DPM1: variants seen among roughly 807,000 people sequenced by gnomAD.
The protein encoded by DPM1 is dolichyl-phosphate mannosyltransferase subunit 1, catalytic.
DPM1 carries 27 observed loss-of-function variants against 39.0 expected under a neutral mutation model. The observed-to-expected ratio is 0.69, with a 90% CI of 0.51 to 0.95. DPM1 has a LOEUF of 0.95. Ranked by LOEUF, DPM1 falls within the 40% of genes least tolerant of loss-of-function variation. DPM1 has a pLI of 0.00. For missense variants in DPM1, 307 were observed against 315.6 expected (o/e 0.97, Z 0.21); for synonymous variants, 124 against 109.0 (o/e 1.14, Z -0.86).
intron 8 of DPM1, 115 bp from the exon 9 acceptor site, chr20:50,935,351 A>T (rs1985059292): frequency 4.2e-6 from 3 of 709,076 alleles, no homozygotes; most frequent in Admixed American, 2.5e-5. Flanking sequence ...AGAGGTCCTT[A>T]AAGTAAGTAT....
chr20:50,937,476 TAAG>T (rs1215498724), intron 7 of DPM1, among the ~76,000 whole-genome samples: 1 of 152,108 alleles, frequency 6.6e-6, no homozygotes, highest in Non-Finnish European at 1.5e-5. Flanking sequence ...GTTTTGGGGT[TAAG>T]AAGTGAACTT....
chr20:50,955,195 T>G lies in DPM1; in HGVS notation c.252A>C (p.Ser84=). The G allele has an allele frequency of 6.2e-7, 1 of 1,611,372 alleles. No homozygotes were observed. The highest frequency in any genetic ancestry group is 8.5e-7 in the Non-Finnish European group (1 of 1,178,314). Residue 84 remains serine, a synonymous_variant, in exon 2 of 9, where the codon TCA becomes TCC. Coordinates refer to ENST00000371588, the MANE Select transcript of DPM1 (RefSeq NM_003859.3). ...TGTTCTTATAACTTACAATTCTGTC[T>G]GACCCATAGATCTTCTCCAACTGTT... ...VAEQLEKIYG[S]DRILLRPREK...
At chr20:50,937,817 A>T (rs1985339832) in intron 7 of DPM1, among the ~76,000 whole-genome samples, 1 of 150,718 alleles carries the variant, frequency 6.6e-6, no homozygotes. Flanking sequence ...TAACTTTTAA[A>T]GTTATTATTA....
Position 50,942,133 on chromosome 20 carries a change from A to C in DPM1, c.399-7T>G. ...ATTACCCTCCTTTTGCTTCCTGTAG[A>C]ATAAATTAGCTGTCAATTAGAAAAA... On this transcript the variant is annotated splice_polypyrimidine_tract_variant and splice_region_variant and intron_variant, in intron 5 of 8. Transcript: ENST00000371588. The C allele has an allele frequency of 6.2e-7, 1 of 1,611,258 alleles. No homozygotes were observed. The highest frequency in any genetic ancestry group is 8.5e-7 in the Non-Finnish European group (1 of 1,177,712).
chr20:50,948,868 T>G (rs1439331121), intron 2 of DPM1, among the ~76,000 whole-genome samples: 1 of 149,862 alleles, frequency 6.7e-6, no homozygotes, highest in African/African-American at 2.4e-5. Context: ...TAGCTAACAT[T>G]TTTTTTTTTT....
intron 8 of DPM1, 80 bp from the exon 9 acceptor site, chr20:50,935,316 A>G (rs1488683285): frequency 2.3e-6 from 2 of 859,842 alleles, no homozygotes; most frequent in African/African-American, 3.4e-5. Context: ...TACCAACACA[A>G]CAGAAATAGG....
chr20:50,941,886 CTGT>C, intron 6 of DPM1, 142 bp downstream of exon 6: 1 of 725,974 alleles, frequency 1.4e-6, no homozygotes, highest in South Asian at 1.6e-5. Context: ...ACAGGAAAAA[CTGT>C]AAGAAACTAT....
intron 2 of DPM1, among the ~76,000 whole-genome samples, chr20:50,953,846 G>T (rs535048057): frequency 1.3e-5 from 2 of 152,146 alleles, no homozygotes; most frequent in East Asian, 3.8e-4. Context: ...TTCACCCTGG[G>T]CTTCTAAAGA....
chr20:50,948,600 T>C (rs1031495562), intron 3 of DPM1, 29 bp downstream of exon 3: 14 of 1,609,814 alleles, frequency 8.7e-6, no homozygotes, highest in African/African-American at 1.3e-5. Context: ...AAGCAGCAGG[T>C]GTGAGGGGTT....
chr20:50,945,108 C>A (rs1374924763), intron 5 of DPM1: 1 of 152,804 alleles, frequency 6.5e-6, no homozygotes, highest in East Asian at 1.9e-4. Flanking sequence ...TCTGGCATTC[C>A]TGGAATAAAC....
At chr20:50,940,254 C>A (rs1985609690) in intron 7 of DPM1, among the ~76,000 whole-genome samples, 1 of 151,560 alleles carries the variant, frequency 6.6e-6, no homozygotes, top group Non-Finnish European at 1.5e-5. Context: ...TTGGGGGTCA[C>A]TAAAGTAGAT....
intron 3 of DPM1, among the ~76,000 whole-genome samples, chr20:50,946,434 C>A (rs1986288562): frequency 1.3e-5 from 2 of 152,276 alleles, no homozygotes; most frequent in East Asian, 3.8e-4. Context: ...AACTATCCAA[C>A]TGCTCCATCC....
chr20:50,940,822 T>C (rs1288491512), intron 7 of DPM1, 43 bp downstream of exon 7: 10 of 1,440,190 alleles, frequency 6.9e-6, no homozygotes, highest in Non-Finnish European at 9.8e-6. Flanking sequence ...TAAAGAAAGT[T>C]AGCCAAGAAG....
At chr20:50,941,977 T>A (rs1985868664) in intron 6 of DPM1, 54 bp downstream of exon 6, 2 of 1,445,006 alleles carry the variant, frequency 1.4e-6, no homozygotes, top group Non-Finnish European at 1.9e-6. Context: ...ATACTTGCTA[T>A]GAATACATTT....
intron 7 of DPM1, among the ~76,000 whole-genome samples, chr20:50,937,276 T>A (rs1985267700): frequency 6.6e-6 from 1 of 152,184 alleles, no homozygotes; most frequent in Non-Finnish European, 1.5e-5. Context: ...GAAGTGGGTA[T>A]AGGACAGCAC....
chr20:50,949,165 G>T (rs1986454463), intron 2 of DPM1, among the ~76,000 whole-genome samples: 1 of 152,126 alleles, frequency 6.6e-6, no homozygotes, highest in Non-Finnish European at 1.5e-5. Context: ...GTCCAGCAAA[G>T]CAACATTCTT....
At chr20:50,948,372 G>C (rs1224098631) in intron 3 of DPM1, among the ~76,000 whole-genome samples, 1 of 151,834 alleles carries the variant, frequency 6.6e-6, no homozygotes, top group Non-Finnish European at 1.5e-5. Context: ...GGTTTCTCAG[G>C]AACTCCTTCA....
At chr20:50,938,785 G>A (rs987390573) in intron 7 of DPM1, among the ~76,000 whole-genome samples, 1 of 151,154 alleles carries the variant, frequency 6.6e-6, no homozygotes, top group Admixed American at 6.6e-5. Context: ...TTCAAGACCA[G>A]CCTGACCAAC....
chr20:50,939,434 CA>C (rs1160630345), intron 7 of DPM1, among the ~76,000 whole-genome samples: 2 of 151,890 alleles, frequency 1.3e-5, no homozygotes, highest in Admixed American at 1.3e-4. Flanking sequence ...GGCGCGATCT[CA>C]GCTCACTGCA....
Sources: gnomAD v4.1 joint callset for allele counts (sites outside exome capture counted in the v4.1 genomes callset) on GRCh38, gnomAD v4.1.1 for gene constraint, MANE v1.5 for transcripts, NCBI Gene and HGNC (gene_info 2026-07-23, HGNC 2026-07-21) for gene names.